CLEC19A: variants seen among roughly 807,000 people sequenced by gnomAD.
CLEC19A encodes the protein C-type lectin domain containing 19A, also known as C-type lectin domain family 19 member A.
Under a neutral mutation model 26.1 loss-of-function variants are expected in CLEC19A, and 21 were observed. That is an observed-to-expected ratio of 0.80 (90% confidence interval 0.57 to 1.16). The LOEUF (loss-of-function observed/expected upper bound fraction) is 1.16. Among genes scored for constraint, CLEC19A ranks in the 50% most tolerant of loss-of-function variants. The pLI, the probability that CLEC19A is intolerant of heterozygous loss-of-function variation, is 0.00. For missense variants in CLEC19A, 224 were observed against 227.6 expected (o/e 0.98, Z 0.10); for synonymous variants, 89 against 88.6 (o/e 1.00, Z -0.03).
chr16:19,308,907 C>A, intron 4 of CLEC19A, 97 bp from the exon 5 acceptor site: 1 of 882,036 alleles, frequency 1.1e-6, no homozygotes, highest in Non-Finnish European at 1.8e-6. Context: ...AGACACAAGG[C>A]CTATTGGAGA....
chr16:19,308,921 C>A, intron 4 of CLEC19A, 83 bp from the exon 5 acceptor site: 1 of 1,123,044 alleles, frequency 8.9e-7, no homozygotes, highest in Non-Finnish European at 1.3e-6. Flanking sequence ...TTGGAGATGG[C>A]TTTTACTTCA....
Position 19,298,749 on chromosome 16 carries a change from C to T in CLEC19A, c.165C>T (p.Phe55=), listed in dbSNP as rs1244573597. ...MEFKGHCYRF[F]PLNKTWAEAD... is the part of the protein sequence containing the mutation. ...TCAAAGGCCACTGCTATCGATTCTT[C>T]CCTCTCAATAAGACCTGGGCTGAGG... is the stretch of plus-strand genomic sequence containing the variant. Residue 55 remains phenylalanine (F), a synonymous_variant, in exon 2 of 5, where the codon TTC becomes TTT. Coordinates refer to ENST00000636231, the MANE Select transcript of CLEC19A (RefSeq NM_001256720.2). 2.6e-6 allele frequency: 4 copies of T among 1,551,034 alleles called. No homozygotes were observed. In the Admixed American group the frequency reaches 7.8e-5, roughly 30 times the overall value.
intron 3 of CLEC19A, among the ~76,000 whole-genome samples, chr16:19,306,759 CTG>C (rs147899691): frequency 0.22 from 33,790 of 151,982 alleles, 3,893 homozygotes; most frequent in East Asian, 0.37. Flanking sequence ...GATGTGGAAA[CTG>C]GGGCTCAGAG....
At chr16:19,301,709 G>A (rs1293545350) in intron 2 of CLEC19A, among the ~76,000 whole-genome samples, 1 of 142,632 alleles carries the variant, frequency 7.0e-6, no homozygotes, top group Non-Finnish European at 1.5e-5. Context: ...GACTACAGGC[G>A]CATGACACCA....
chr16:19,294,124 C>T (rs143968640), intron 1 of CLEC19A, among the ~76,000 whole-genome samples: 361 of 150,818 alleles, frequency 2.4e-3, no homozygotes, highest in Middle Eastern at 6.8e-3. Context: ...TTCTGTAAGT[C>T]TAAATTTATT....
chr16:19,296,661 C>T (rs1842817914), intron 1 of CLEC19A, among the ~76,000 whole-genome samples: 1 of 152,204 alleles, frequency 6.6e-6, no homozygotes, highest in South Asian at 2.1e-4. Context: ...ACAGGATGAT[C>T]TTGGGCGAGT....
intron 1 of CLEC19A, among the ~76,000 whole-genome samples, chr16:19,288,482 T>G (rs945942941): frequency 6.6e-6 from 1 of 152,180 alleles, no homozygotes; most frequent in Non-Finnish European, 1.5e-5. Context: ...TTCATCCCAC[T>G]ACTCCAGACC....
intron 2 of CLEC19A, among the ~76,000 whole-genome samples, chr16:19,302,013 C>T (rs932296500): frequency 1.3e-5 from 2 of 151,940 alleles, no homozygotes; most frequent in African/African-American, 2.4e-5. Context: ...TTATAATAAA[C>T]TATAATTCTG....
intron 1 of CLEC19A, among the ~76,000 whole-genome samples, chr16:19,294,595 C>G (rs925638411): frequency 6.6e-6 from 1 of 152,146 alleles, no homozygotes; most frequent in Non-Finnish European, 1.5e-5. Flanking sequence ...AGAAGTTTAC[C>G]TCATTCTAAA....
chr16:19,290,028 G>A (rs1897550243), intron 1 of CLEC19A, among the ~76,000 whole-genome samples: 1 of 152,148 alleles, frequency 6.6e-6, no homozygotes, highest in African/African-American at 2.4e-5. Context: ...ACTGATCTGG[G>A]CAGGAGGCAG....
chr16:19,306,764 G>A (rs1465165445), intron 3 of CLEC19A, among the ~76,000 whole-genome samples: 2 of 151,782 alleles, frequency 1.3e-5, no homozygotes, highest in Admixed American at 1.3e-4. Context: ...GGAAACTGGG[G>A]CTCAGAGAGG....
At chr16:19,305,600 G>A (rs887153483) in intron 3 of CLEC19A, among the ~76,000 whole-genome samples, 2 of 152,246 alleles carry the variant, frequency 1.3e-5, no homozygotes, top group Admixed American at 1.3e-4. Flanking sequence ...CTTACTGGCT[G>A]GCAGGTGACT....
intron 1 of CLEC19A, among the ~76,000 whole-genome samples, chr16:19,296,909 C>A (rs964794458): frequency 2.6e-5 from 4 of 152,140 alleles, no homozygotes; most frequent in African/African-American, 4.8e-5. Flanking sequence ...AAAGAATGAG[C>A]CAGCATCTCA....
chr16:19,294,254 A>G (rs1269356515), intron 1 of CLEC19A, among the ~76,000 whole-genome samples: 1 of 152,250 alleles, frequency 6.6e-6, no homozygotes, highest in African/African-American at 2.4e-5. Flanking sequence ...CGCCGTGCAG[A>G]AAGGTCACAT....
chr16:19,288,296 C>G (rs1056910821), intron 1 of CLEC19A, among the ~76,000 whole-genome samples: 3 of 151,846 alleles, frequency 2.0e-5, no homozygotes, highest in African/African-American at 4.8e-5. Flanking sequence ...TGGGCAGGAG[C>G]GTGTGTGTTG....
At chr16:19,301,736 G>GTTTTTTTTTTTTTTTTTTTT (rs1171248968) in intron 2 of CLEC19A, among the ~76,000 whole-genome samples, 21 of 81,492 alleles carry the variant, frequency 2.6e-4, no homozygotes, top group African/African-American at 7.6e-4. Context: ...GGTTTTTTTG[G>GTTTTTTTTTTTTTTTTTTTT]TTTTTTTTTT....
intron 1 of CLEC19A, among the ~76,000 whole-genome samples, chr16:19,297,695 T>C (rs1299770091): frequency 6.6e-6 from 1 of 152,186 alleles, no homozygotes; most frequent in Non-Finnish European, 1.5e-5. Context: ...GGGAAATGCT[T>C]ATACTCTTTA....
At chr16:19,288,840 G>A (rs188959608) in intron 1 of CLEC19A, among the ~76,000 whole-genome samples, 11 of 152,244 alleles carry the variant, frequency 7.2e-5, no homozygotes, top group African/African-American at 2.6e-4. Context: ...TGAAGCTCAG[G>A]ATCTGCTTCT....
chr16:19,286,424 A>G (rs1897471326), intron 1 of CLEC19A, among the ~76,000 whole-genome samples: 1 of 152,294 alleles, frequency 6.6e-6, no homozygotes, highest in African/African-American at 2.4e-5. Flanking sequence ...TTAGGTGCGC[A>G]GGGAGGGAGA....
Sources: gnomAD v4.1 joint callset for allele counts (sites outside exome capture counted in the v4.1 genomes callset) on GRCh38, gnomAD v4.1.1 for gene constraint, MANE v1.5 for transcripts, NCBI Gene and HGNC (gene_info 2026-07-23, HGNC 2026-07-21) for gene names.